Variants in PAPSS1 observed in about 807,000 individuals in gnomAD.
PAPSS1 encodes 3'-phosphoadenosine 5'-phosphosulfate synthase 1, also known as bifunctional 3'-phosphoadenosine 5'-phosphosulfate synthase 1.
In PAPSS1, 50 loss-of-function variants were observed where a neutral mutation model predicts 72.0. The observed-to-expected ratio is 0.69, with a 90% CI of 0.55 to 0.88. The LOEUF (loss-of-function observed/expected upper bound fraction) is 0.88. Ranked by LOEUF, PAPSS1 falls within the 40% of genes least tolerant of loss-of-function variation. The pLI is 0.00. For missense variants in PAPSS1, 657 were observed against 782.2 expected (o/e 0.84, Z 1.91); for synonymous variants, 261 against 263.6 (o/e 0.99, Z 0.09).
At chr4:107,682,241 C>A in intron 4 of PAPSS1, 108 bp from the exon 5 acceptor site, 4 of 534,038 alleles carry the variant, frequency 7.5e-6, no homozygotes, top group Admixed American at 3.4e-5. Context: ...CGCTGTCCCC[C>A]AAGCCACAGG....
At chr4:107,685,006 C>G (rs994599588) in intron 4 of PAPSS1, among the ~76,000 whole-genome samples, 3 of 152,084 alleles carry the variant, frequency 2.0e-5, no homozygotes, top group Admixed American at 1.3e-4. Flanking sequence ...CCTGTGTTCA[C>G]GCCATTCTCC....
intron 2 of PAPSS1, chr4:107,694,329 A>T: frequency 3.7e-6 from 1 of 269,052 alleles, no homozygotes; most frequent in East Asian, 8.1e-5. Context: ...GATTAAATAC[A>T]TTCATTATGC....
intron 5 of PAPSS1, among the ~76,000 whole-genome samples, chr4:107,673,935 T>A (rs998792712): frequency 6.6e-6 from 1 of 152,340 alleles, no homozygotes; most frequent in Non-Finnish European, 1.5e-5. Flanking sequence ...GAATTTCATA[T>A]GCAGCCAAAC....
chr4:107,683,848 G>A (rs966339030), intron 4 of PAPSS1, among the ~76,000 whole-genome samples: 9 of 151,698 alleles, frequency 5.9e-5, no homozygotes, highest in African/African-American at 2.2e-4. Context: ...TTGAAATAGA[G>A]TTGATAGGGA....
intron 5 of PAPSS1, among the ~76,000 whole-genome samples, chr4:107,672,462 G>A (rs983703997): frequency 4.6e-5 from 7 of 152,108 alleles, no homozygotes; most frequent in African/African-American, 1.2e-4. Flanking sequence ...ACGGAGCCTC[G>A]CTCATTGCTA....
chr4:107,645,036 C>A lies in PAPSS1; in HGVS notation c.1272G>T (p.Val424=). Residue 424 remains valine, a synonymous_variant, in exon 10 of 12, where the codon GTG becomes GTT. Coordinates refer to ENST00000265174, the MANE Select transcript of PAPSS1 (RefSeq NM_005443.5). ...AVFAFQLRNP[V]HNGHALLMQD... is the part of the protein sequence containing the mutation. ...GCATTAACAGGGCATGTCCATTGTGCACTGGGTTGCGTAGTTGAAATGCAA... is the reference window on the plus strand; with the variant it reads ...GCATTAACAGGGCATGTCCATTGTGAACTGGGTTGCGTAGTTGAAATGCAA... 6.3e-7 allele frequency: 1 copy of A among 1,585,486 alleles called. No homozygotes were observed.
At chr4:107,680,597 T>TATAATGTAAATCCCTC (rs1222718628) in intron 5 of PAPSS1, among the ~76,000 whole-genome samples, 1 of 152,198 alleles carries the variant, frequency 6.6e-6, no homozygotes, top group African/African-American at 2.4e-5. Context: ...TTCTATCACT[T>TATAATGTAAATCCCTC]ATAATGTAAA....
intron 4 of PAPSS1, among the ~76,000 whole-genome samples, chr4:107,682,484 G>A (rs542141351): frequency 6.6e-5 from 10 of 152,200 alleles, no homozygotes; most frequent in Non-Finnish European, 1.2e-4. Context: ...TGTCGGACGT[G>A]TTGCACTGAC....
chr4:107,647,877 G>C (rs1726735473), intron 9 of PAPSS1, among the ~76,000 whole-genome samples: 1 of 152,110 alleles, frequency 6.6e-6, no homozygotes, highest in Non-Finnish European at 1.5e-5. Flanking sequence ...CACACATACA[G>C]ATGGCTTCTC....
intron 11 of PAPSS1, among the ~76,000 whole-genome samples, chr4:107,623,636 T>A (rs1458009786): frequency 6.6e-6 from 1 of 152,192 alleles, no homozygotes; most frequent in Non-Finnish European, 1.5e-5. Flanking sequence ...CATTTCAGGT[T>A]CTCCCTTACA....
intron 11 of PAPSS1, among the ~76,000 whole-genome samples, chr4:107,616,671 G>A (rs1725830695): frequency 6.6e-6 from 1 of 152,142 alleles, no homozygotes; most frequent in South Asian, 2.1e-4. Flanking sequence ...TGGTCAATTT[G>A]TGCTACTACT....
intron 1 of PAPSS1, among the ~76,000 whole-genome samples, chr4:107,716,741 A>G (rs1010609032): frequency 1.3e-5 from 2 of 152,328 alleles, no homozygotes; most frequent in Non-Finnish European, 2.9e-5. Flanking sequence ...CTCCAAGAGC[A>G]AGTCAATTTC....
In PAPSS1 at chr4:107,613,798, AT is replaced by A. The variant is rs1725751589; in HGVS notation, c.*450del. ...GGAAAGAAGAAAGGAAGCAGTTTCT[AT>A]TTTCAATGTAGAAAAAAAATCTAAT... On this transcript the variant is annotated 3_prime_UTR_variant, in exon 12 of 12. Coordinates refer to ENST00000265174, the MANE Select transcript of PAPSS1 (RefSeq NM_005443.5). The A allele has an allele frequency of 6.6e-6, 1 of 152,290 alleles. No homozygotes were observed. The highest frequency in any genetic ancestry group is 2.1e-4 in the South Asian group (1 of 4,832). The allele number at this position is 152,290 out of a possible 1,614,324, so 9.4% of individuals were successfully genotyped here.
At chr4:107,700,542 G>A (rs1723178721) in intron 2 of PAPSS1, among the ~76,000 whole-genome samples, 1 of 152,152 alleles carries the variant, frequency 6.6e-6, no homozygotes, top group African/African-American at 2.4e-5. Flanking sequence ...GTCTCTCAAA[G>A]TTCATGTGTT....
chr4:107,657,500 T>C (rs1406855530), intron 6 of PAPSS1, among the ~76,000 whole-genome samples: 1 of 152,116 alleles, frequency 6.6e-6, no homozygotes. Flanking sequence ...AGCAGGCAGA[T>C]CACCTGACCT....
intron 11 of PAPSS1, among the ~76,000 whole-genome samples, chr4:107,619,123 GA>G (rs1725895139): frequency 6.6e-6 from 1 of 152,154 alleles, no homozygotes; most frequent in African/African-American, 2.4e-5. Flanking sequence ...CAATGAAAAA[GA>G]AGACAGCAGC....
At position 107,693,878 on chromosome 4, in the gene PAPSS1, T is replaced by TA; in HGVS notation, c.303dup (p.Ser102Ter). On this transcript the variant is annotated frameshift_variant, in exon 3 of 12. Transcript: ENST00000265174. LOFTEE classifies it high-confidence loss of function. ...ACATTCTCTTCTCTGTCTTCAGGAC[T>TA]AAAGCCAAGATTTTTATTGAGACCT... 1.2e-6 allele frequency: 2 copies of TA among 1,613,934 alleles called. No homozygotes were observed. Among genetic ancestry groups the TA allele is most frequent in the Non-Finnish European group, 1.7e-6 (2 of 1,179,854 alleles).
intron 5 of PAPSS1, among the ~76,000 whole-genome samples, chr4:107,670,834 G>A (rs980327586): frequency 3.9e-5 from 6 of 152,136 alleles, no homozygotes; most frequent in Non-Finnish European, 5.9e-5. Flanking sequence ...CACCACACCT[G>A]GCATATGCCA....
intron 10 of PAPSS1, among the ~76,000 whole-genome samples, chr4:107,644,332 T>A (rs1464599595): frequency 6.6e-6 from 1 of 152,128 alleles, no homozygotes; most frequent in Admixed American, 6.5e-5. Flanking sequence ...AGAGGTGCCC[T>A]CCCTATACCT....
Sources: allele counts gnomAD v4.1 joint callset (sites outside exome capture counted in the v4.1 genomes callset), GRCh38; gene constraint gnomAD v4.1.1; transcripts MANE v1.5; gene names NCBI Gene and HGNC (gene_info 2026-07-23, HGNC 2026-07-21).